Variants in GRM1 observed in about 807,000 individuals in gnomAD.
The protein encoded by GRM1 is metabotropic glutamate receptor 1.
GRM1 carries 33 observed loss-of-function variants against 90.9 expected under a neutral mutation model. That is an observed-to-expected ratio of 0.36 (90% CI 0.28 to 0.49). The LOEUF is 0.49. Ranked by LOEUF, GRM1 falls within the 20% of genes least tolerant of loss-of-function variation. The probability of loss-of-function intolerance (pLI) is 0.99; values close to 1 mark genes in which losing one functional copy is unlikely to be tolerated. For synonymous variants in GRM1, 700 were observed against 613.2 expected, an observed-to-expected ratio of 1.14 and a Z score of -2.09; for missense variants, 1,190 against 1,534.3, an observed-to-expected ratio of 0.78 and a Z score of 3.75.
At chr6:146,177,125 C>T (rs1778365701) in intron 2 of GRM1, among the ~76,000 whole-genome samples, 1 of 152,060 alleles carries the variant, frequency 6.6e-6, no homozygotes, top group African/African-American at 2.4e-5. Context: ...GTTTGTATCT[C>T]ATTTTCCTAA....
At chr6:146,270,511 GA>G (rs938612818) in intron 2 of GRM1, among the ~76,000 whole-genome samples, 2 of 151,992 alleles carry the variant, frequency 1.3e-5, no homozygotes, top group African/African-American at 4.8e-5. Flanking sequence ...ACAAATATAG[GA>G]AAAAAATCAA....
intron 1 of GRM1, among the ~76,000 whole-genome samples, chr6:146,142,531 G>T (rs1226522424): frequency 6.6e-6 from 1 of 152,112 alleles, no homozygotes; most frequent in Non-Finnish European, 1.5e-5. Context: ...CATCTAGGAG[G>T]CAGGACCTGG....
intron 2 of GRM1, among the ~76,000 whole-genome samples, chr6:146,215,839 C>T (rs1009392020): frequency 4.6e-5 from 7 of 151,576 alleles, no homozygotes; most frequent in African/African-American, 1.7e-4. Flanking sequence ...TCACTGTAAG[C>T]TCCGCCTCCT....
intron 1 of GRM1, among the ~76,000 whole-genome samples, chr6:146,037,812 A>G: frequency 6.6e-6 from 1 of 152,116 alleles, no homozygotes; most frequent in Middle Eastern, 3.4e-3. Context: ...TATTTTATTT[A>G]TAAATTTTTA....
At chr6:146,073,373 TTAAAG>T (rs1274894294) in intron 1 of GRM1, among the ~76,000 whole-genome samples, 2 of 152,138 alleles carry the variant, frequency 1.3e-5, no homozygotes, top group East Asian at 1.9e-4. Flanking sequence ...GGATTGGACT[TTAAAG>T]TAAGGCATGG....
intron 1 of GRM1, among the ~76,000 whole-genome samples, chr6:146,126,024 G>T (rs1321063266): frequency 2.6e-5 from 4 of 151,790 alleles, no homozygotes; most frequent in Non-Finnish European, 5.9e-5. Context: ...TTCATTTCTA[G>T]TTACAGCCAG....
At chr6:146,319,323 T>C (rs550500909) in intron 3 of GRM1, among the ~76,000 whole-genome samples, 2 of 152,298 alleles carry the variant, frequency 1.3e-5, no homozygotes, top group African/African-American at 4.8e-5. Context: ...GTTCCATTGG[T>C]TAATATATAT....
intron 7 of GRM1, among the ~76,000 whole-genome samples, chr6:146,413,735 T>C (rs1293562968): frequency 6.6e-6 from 1 of 152,170 alleles, no homozygotes. Context: ...TATCCTGCTC[T>C]CCAATTAGAG....
chr6:146,266,759 AAAC>A (rs1340492400), intron 2 of GRM1, among the ~76,000 whole-genome samples: 1 of 152,268 alleles, frequency 6.6e-6, no homozygotes, highest in Admixed American at 6.5e-5. Flanking sequence ...TCTGGCTAGA[AAAC>A]AACTCTGCTA....
chr6:146,419,962 G>A (rs908993186), intron 7 of GRM1, among the ~76,000 whole-genome samples: 1 of 152,168 alleles, frequency 6.6e-6, no homozygotes, highest in African/African-American at 2.4e-5. Flanking sequence ...ATCAATGGAA[G>A]GACCAGAGGA....
intron 2 of GRM1, among the ~76,000 whole-genome samples, chr6:146,249,482 CA>C (rs974098836): frequency 4.6e-5 from 7 of 152,188 alleles, no homozygotes; most frequent in Admixed American, 2.0e-4. Context: ...ATGCAGGCCA[CA>C]AGCCTTGGTT....
chr6:146,198,653 A>T (rs1474443114), intron 2 of GRM1, among the ~76,000 whole-genome samples: 2 of 152,164 alleles, frequency 1.3e-5, no homozygotes, highest in Non-Finnish European at 2.9e-5. Flanking sequence ...CATCACAAGC[A>T]CCTACTTAAA....
chr6:146,234,946 A>G (rs2114713449), intron 2 of GRM1, among the ~76,000 whole-genome samples: 1 of 152,166 alleles, frequency 6.6e-6, no homozygotes, highest in South Asian at 2.1e-4. Context: ...GTTTTGCCAT[A>G]TTGGTCAGGC....
intron 2 of GRM1, among the ~76,000 whole-genome samples, chr6:146,304,114 G>A (rs1783490771): frequency 2.0e-5 from 3 of 152,132 alleles, no homozygotes; most frequent in Admixed American, 2.0e-4. Flanking sequence ...TGTCCCAGGA[G>A]GAAAAACTGT....
intron 3 of GRM1, among the ~76,000 whole-genome samples, chr6:146,333,167 A>G (rs1784644111): frequency 6.6e-6 from 1 of 152,222 alleles, no homozygotes; most frequent in Non-Finnish European, 1.5e-5. Context: ...GAAAATGTAG[A>G]TGCTGAACCA....
intron 2 of GRM1, among the ~76,000 whole-genome samples, chr6:146,278,416 A>G (rs1782449162): frequency 6.6e-6 from 1 of 152,110 alleles, no homozygotes; most frequent in Admixed American, 6.6e-5. Flanking sequence ...CCATATATTC[A>G]CCCTTAATGA....
chr6:146,038,108 G>T (rs1157800219), intron 1 of GRM1, among the ~76,000 whole-genome samples: 1 of 151,674 alleles, frequency 6.6e-6, no homozygotes, highest in Non-Finnish European at 1.5e-5. Context: ...TTTTTCTCCA[G>T]CTCCTTCAGG....
At chr6:146,288,291 T>C (rs554800585) in intron 2 of GRM1, among the ~76,000 whole-genome samples, 3 of 152,106 alleles carry the variant, frequency 2.0e-5, no homozygotes, top group African/African-American at 7.2e-5. Context: ...AGGGTACAAA[T>C]GGAAATGTGG....
At chr6:146,137,806 T>A (rs1347642629) in intron 1 of GRM1, among the ~76,000 whole-genome samples, 1 of 151,682 alleles carries the variant, frequency 6.6e-6, no homozygotes, top group African/African-American at 2.4e-5. Context: ...ATTTTTCCAT[T>A]TTTTGTGTCC....
Sources: allele counts gnomAD v4.1 joint callset (sites outside exome capture counted in the v4.1 genomes callset), GRCh38; gene constraint gnomAD v4.1.1; transcripts MANE v1.5; gene names NCBI Gene and HGNC (gene_info 2026-07-23, HGNC 2026-07-21).